SERINC5: variants seen among roughly 807,000 people sequenced by gnomAD.
SERINC5 encodes the protein chromosome 5 open reading frame 12.
SERINC5 carries 41 observed loss-of-function variants against 63.1 expected under a neutral mutation model. The ratio of observed to expected loss-of-function variants is 0.65; its 90% CI spans 0.51 to 0.84. The LOEUF is 0.84. SERINC5 is among the 40% of genes least tolerant of loss of function. The pLI is 0.00. For synonymous variants in SERINC5, 222 were observed against 215.2 expected, an observed-to-expected ratio of 1.03 and a Z score of -0.28; for missense variants, 523 against 573.0, an observed-to-expected ratio of 0.91 and a Z score of 0.89.
At chr5:80,175,743 A>G (rs1747985658) in intron 4 of SERINC5, among the ~76,000 whole-genome samples, 1 of 151,126 alleles carries the variant, frequency 6.6e-6, no homozygotes, top group Non-Finnish European at 1.5e-5. Flanking sequence ...GGGTGCCTGT[A>G]ATCCCATCTA....
chr5:80,114,366 G>C (rs751804040), intron 11 of SERINC5: 1 of 153,072 alleles, frequency 6.5e-6, no homozygotes, highest in Non-Finnish European at 1.5e-5. Flanking sequence ...TAAATCATCA[G>C]ATCACGGCTG....
At chr5:80,211,874 A>T (rs573169080) in intron 1 of SERINC5, among the ~76,000 whole-genome samples, 2 of 152,340 alleles carry the variant, frequency 1.3e-5, no homozygotes, top group South Asian at 2.1e-4. Context: ...GAAGTATCCT[A>T]AGCAAATAAG....
At chr5:80,213,160 C>T (rs1034994952) in intron 1 of SERINC5, among the ~76,000 whole-genome samples, 5 of 149,620 alleles carry the variant, frequency 3.3e-5, no homozygotes, top group South Asian at 4.2e-4. Flanking sequence ...GCAGGAGAAT[C>T]GCTTGAACCC....
At chr5:80,115,322 C>T (rs536497076) in intron 11 of SERINC5, among the ~76,000 whole-genome samples, 1 of 152,134 alleles carries the variant, frequency 6.6e-6, no homozygotes, top group African/African-American at 2.4e-5. Context: ...CACCCAGGAA[C>T]CAGACCTATC....
intron 1 of SERINC5, among the ~76,000 whole-genome samples, chr5:80,229,074 A>C (rs1751309254): frequency 9.6e-6 from 1 of 103,756 alleles, no homozygotes. Context: ...CCTAGGCTGG[A>C]GTGCAGTGGT....
At chr5:80,242,580 T>A (rs1032687644) in intron 1 of SERINC5, among the ~76,000 whole-genome samples, 2 of 152,148 alleles carry the variant, frequency 1.3e-5, no homozygotes, top group African/African-American at 2.4e-5. Flanking sequence ...TGAAAGCTTG[T>A]CTCTACTAAA....
At chr5:80,218,636 T>C (rs922613539) in intron 1 of SERINC5, among the ~76,000 whole-genome samples, 2 of 151,288 alleles carry the variant, frequency 1.3e-5, no homozygotes, top group Non-Finnish European at 2.9e-5. Flanking sequence ...GATCACGCCA[T>C]TGCACTCCAG....
chr5:80,126,496 T>G (rs893993723), intron 11 of SERINC5, among the ~76,000 whole-genome samples: 5 of 152,210 alleles, frequency 3.3e-5, no homozygotes, highest in Non-Finnish European at 5.9e-5. Flanking sequence ...ACTTACTGAT[T>G]TACTTATTTC....
intron 1 of SERINC5, among the ~76,000 whole-genome samples, chr5:80,236,408 T>C (rs930308045): frequency 6.6e-6 from 1 of 152,250 alleles, no homozygotes; most frequent in Non-Finnish European, 1.5e-5. Flanking sequence ...GCCTCTGAAC[T>C]ATATGCACAA....
intron 11 of SERINC5, among the ~76,000 whole-genome samples, chr5:80,120,625 C>G (rs952631734): frequency 2.6e-5 from 4 of 151,954 alleles, no homozygotes; most frequent in Admixed American, 1.3e-4. Flanking sequence ...ACCAGCCTGG[C>G]CAACATGGTG....
chr5:80,220,605 G>C (rs1016364354), intron 1 of SERINC5, among the ~76,000 whole-genome samples: 9 of 152,128 alleles, frequency 5.9e-5, no homozygotes, highest in Non-Finnish European at 1.2e-4. Flanking sequence ...GAAATCCAAG[G>C]CCTCAACACT....
rs746345203 is a variant in SERINC5 at position 80,146,236 on chromosome 5, T to C, written c.1094-2A>G. 6.2e-7 allele frequency: 1 copy of C among 1,613,920 alleles called. No individual in the cohort carries two copies. The highest frequency in any genetic ancestry group is 1.1e-5 in the South Asian group (1 of 91,074). ...TCCCCGGCTGCTGCTCTTCAGTGTCTGTGAAGCACAGAGGGAGCCCAGGCT... is the reference window on the plus strand; with the variant it reads ...TCCCCGGCTGCTGCTCTTCAGTGTCCGTGAAGCACAGAGGGAGCCCAGGCT... On this transcript the variant is annotated splice_acceptor_variant, in intron 10 of 11. Transcript: ENST00000507668. LOFTEE classifies it high-confidence loss of function.
chr5:80,122,106 T>C (rs1211642682), intron 11 of SERINC5, among the ~76,000 whole-genome samples: 1 of 151,578 alleles, frequency 6.6e-6, no homozygotes, highest in Non-Finnish European at 1.5e-5. Context: ...ACAATTCTCA[T>C]ATGGTGTAAA....
Position 80,126,896 on chromosome 5 carries a change from A to C in SERINC5, c.1239-13271T>G, listed in dbSNP as rs149153974. On this transcript the variant is annotated intron_variant, in intron 11 of 12. Transcript: ENST00000509193. The stretch of plus-strand genomic sequence containing the variant: ...GGCATGCGATACCAAGCCTGGTATA[A>C]TTTAAATTTTTAATTAAAAATTGTT... Among the ~76,000 whole-genome samples the C allele has an allele frequency of 3.7e-3, 563 of 152,288 alleles. 5 individuals carry two copies. The highest frequency in any genetic ancestry group is 0.013 in the African/African-American group (533 of 41,548).
In SERINC5 at chr5:80,140,954, G is replaced by A. The variant is rs747459787; in HGVS notation, c.*2709C>T. The A allele has an allele frequency of 2.0e-6, 2 of 985,268 alleles. No individual in the cohort carries two copies. The highest frequency in any genetic ancestry group is 2.4e-6 in the Non-Finnish European group (2 of 829,872). The allele number at this position is 985,268 out of a possible 1,614,324, so 61.0% of individuals were successfully genotyped here. A position where few individuals can be genotyped will look rare whatever the true frequency, so the allele number is the denominator to read the frequency against. On this transcript the variant is annotated 3_prime_UTR_variant, in exon 12 of 12. Coordinates refer to ENST00000507668, the MANE Select transcript of SERINC5 (RefSeq NM_001174072.3). ...TATTATTTTTAAAAGATATCAGTGA[G>A]TTAATCAAATTAACACCGTTGTTAT...
chr5:80,132,665 A>AT (rs1316250835), intron 11 of SERINC5, among the ~76,000 whole-genome samples: 4 of 151,468 alleles, frequency 2.6e-5, no homozygotes, highest in African/African-American at 9.7e-5. Flanking sequence ...AGATCTCATT[A>AT]TGTTGCTCAG....
chr5:80,207,840 C>CA (rs1750245594), intron 1 of SERINC5, among the ~76,000 whole-genome samples: 1 of 152,130 alleles, frequency 6.6e-6, no homozygotes, highest in Non-Finnish European at 1.5e-5. Context: ...GATATATATA[C>CA]CAGGTGGAAA....
chr5:80,216,483 A>G (rs964899387), intron 1 of SERINC5, among the ~76,000 whole-genome samples: 1 of 152,232 alleles, frequency 6.6e-6, no homozygotes, highest in African/African-American at 2.4e-5. Context: ...TTGGAAAGCT[A>G]AAGCCGTCTT....
intron 1 of SERINC5, among the ~76,000 whole-genome samples, chr5:80,244,020 T>C (rs996848564): frequency 3.3e-5 from 5 of 152,102 alleles, no homozygotes; most frequent in Non-Finnish European, 7.4e-5. Flanking sequence ...AACTTCAGCA[T>C]CCTGCAATTT....
Sources: gnomAD v4.1 joint callset for allele counts (sites outside exome capture counted in the v4.1 genomes callset) on GRCh38, gnomAD v4.1.1 for gene constraint, MANE v1.5 for transcripts, NCBI Gene and HGNC (gene_info 2026-07-23, HGNC 2026-07-21) for gene names.